The following SIPA1L1 variants were observed in gnomAD, a reference collection of about 807,000 sequenced individuals.
SIPA1L1 encodes signal-induced proliferation-associated 1-like protein 1.
SIPA1L1 carries 26 observed loss-of-function variants against 162.7 expected under a neutral mutation model. The ratio of observed to expected loss-of-function variants is 0.16; its 90% confidence interval spans 0.12 to 0.22. The LOEUF (loss-of-function observed/expected upper bound fraction) is 0.22. Among genes scored for constraint, SIPA1L1 ranks in the 10% least tolerant of loss-of-function variants. SIPA1L1 has a pLI of 1.00. For synonymous variants in SIPA1L1, 829 were observed against 837.4 expected, an observed-to-expected ratio of 0.99 and a Z score of 0.17; for missense variants, 1,874 against 2,241.0, an observed-to-expected ratio of 0.84 and a Z score of 3.31.
chr14:71,476,201 G>A (rs1192995918), intron 2 of SIPA1L1, among the ~76,000 whole-genome samples: 1 of 152,204 alleles, frequency 6.6e-6, no homozygotes, highest in Non-Finnish European at 1.5e-5. Flanking sequence ...AAATGAAGGA[G>A]GTATGTATAA....
intron 4 of SIPA1L1, among the ~76,000 whole-genome samples, chr14:71,542,291 C>T (rs1413429321): frequency 6.7e-6 from 1 of 149,458 alleles, no homozygotes; most frequent in Admixed American, 6.7e-5. Flanking sequence ...TCTCCTCTTC[C>T]TCTTCTCCTC....
At chr14:71,671,041 T>C (rs1359343789) in intron 10 of SIPA1L1, 78 bp from the exon 11 acceptor site, 1 of 1,204,584 alleles carries the variant, frequency 8.3e-7, no homozygotes, top group African/African-American at 1.5e-5. Flanking sequence ...CATCTTTGTC[T>C]TTGAGAAAGT....
chr14:71,720,191 C>G (rs969043763), intron 17 of SIPA1L1, among the ~76,000 whole-genome samples: 3 of 152,040 alleles, frequency 2.0e-5, no homozygotes, highest in Admixed American at 6.6e-5. Context: ...TATCTTTCTC[C>G]AGGTTTGGAA....
At chr14:71,346,743 A>G (rs894302078) in intron 2 of SIPA1L1, among the ~76,000 whole-genome samples, 12 of 152,202 alleles carry the variant, frequency 7.9e-5, no homozygotes, top group African/African-American at 1.2e-4. Flanking sequence ...AAAGTGTACA[A>G]TTTAGTGGCT....
At chr14:71,691,020 AGTAT>A (rs1257490353) in intron 13 of SIPA1L1, among the ~76,000 whole-genome samples, 1 of 152,210 alleles carries the variant, frequency 6.6e-6, no homozygotes, top group Non-Finnish European at 1.5e-5. Flanking sequence ...CATCTACCTG[AGTAT>A]CCAGAGCAGA....
intron 2 of SIPA1L1, among the ~76,000 whole-genome samples, chr14:71,507,814 T>G (rs543272663): frequency 6.6e-6 from 1 of 152,218 alleles, no homozygotes; most frequent in African/African-American, 2.4e-5. Flanking sequence ...ACTCTAGCCC[T>G]GTCAGCCTTC....
chr14:71,565,499 A>G (rs2030287244), intron 4 of SIPA1L1, among the ~76,000 whole-genome samples: 1 of 152,238 alleles, frequency 6.6e-6, no homozygotes, highest in Non-Finnish European at 1.5e-5. Flanking sequence ...AATAATTTTG[A>G]AAGTATAATA....
chr14:71,351,945 TAAACAACATAAGTTTGTA>T (rs951606014), intron 2 of SIPA1L1, among the ~76,000 whole-genome samples: 2 of 151,110 alleles, frequency 1.3e-5, no homozygotes, highest in Admixed American at 1.3e-4. Context: ...AGCCAGACAG[TAAACAACATAAGTTTGTA>T]AAATATATCT....
intron 13 of SIPA1L1, among the ~76,000 whole-genome samples, chr14:71,694,235 T>C (rs2081456994): frequency 6.6e-6 from 1 of 152,126 alleles, no homozygotes; most frequent in South Asian, 2.1e-4. Flanking sequence ...CGTGTGTGTG[T>C]GCGTGTGTGT....
chr14:71,649,431 A>C (rs2042440404), intron 7 of SIPA1L1, among the ~76,000 whole-genome samples: 1 of 152,092 alleles, frequency 6.6e-6, no homozygotes, highest in African/African-American at 2.4e-5. Context: ...GGTTCAAGTG[A>C]TCTGCCCCCC....
intron 2 of SIPA1L1, among the ~76,000 whole-genome samples, chr14:71,428,047 C>T (rs141604244): frequency 1.7e-4 from 25 of 151,346 alleles, no homozygotes; most frequent in African/African-American, 5.6e-4. Context: ...AGATGGAGTG[C>T]GGTGGTGTGA....
chr14:71,596,120 G>T (rs753942337), intron 5 of SIPA1L1, among the ~76,000 whole-genome samples: 1 of 152,162 alleles, frequency 6.6e-6, no homozygotes, highest in Non-Finnish European at 1.5e-5. Context: ...AGATAATTTC[G>T]CAGAGAAAGG....
chr14:71,696,095 A>C (rs1298922016), intron 13 of SIPA1L1, among the ~76,000 whole-genome samples: 1 of 152,200 alleles, frequency 6.6e-6, no homozygotes, highest in Non-Finnish European at 1.5e-5. Context: ...GAAATGAGCT[A>C]GTATCCCACT....
intron 2 of SIPA1L1, among the ~76,000 whole-genome samples, chr14:71,490,165 G>A (rs190713901): frequency 4.4e-4 from 67 of 152,222 alleles, no homozygotes; most frequent in African/African-American, 1.6e-3. Context: ...AACTAAAATT[G>A]AAACAAAGTG....
In SIPA1L1 at chr14:71,589,347, A is replaced by G. The variant is rs746745142; in HGVS notation, c.1475A>G (p.Tyr492Cys). The G allele has an allele frequency of 6.2e-7, 1 of 1,606,500 alleles. No individual in the cohort carries two copies. Among genetic ancestry groups the G allele is most frequent in the Non-Finnish European group, 8.5e-7 (1 of 1,174,276 alleles). Residue 492 changes from tyrosine (Y) to cysteine (C), a missense_variant, in exon 5 of 24, where the codon TAT becomes TGT. Tyr to Cys is a radical substitution (Grantham distance 194). Coordinates refer to ENST00000381232, the MANE Select transcript of SIPA1L1 (RefSeq NM_001386936.1). Reference protein sequence around the residue: ...VEHVDLGAYYYRKFFYQKEHW... With the variant: ...VEHVDLGAYYCRKFFYQKEHW... ...CACGTAGATCTGGGTGCATACTATT[A>G]TAGAAAATTTTTCTACCAGAAGGGT...
intron 7 of SIPA1L1, among the ~76,000 whole-genome samples, chr14:71,629,765 AAGAAGTTATCCTTCAGGTTATTAAAGTC>A (rs1476775496): frequency 6.6e-6 from 1 of 152,262 alleles, no homozygotes; most frequent in Admixed American, 6.5e-5. Context: ...TTCAAATTTT[AAGAAGTTATCCTTCAGGTTATTAAAGTC>A]AGAGTAAGGG....
intron 2 of SIPA1L1, among the ~76,000 whole-genome samples, chr14:71,435,430 G>T (rs2044302120): frequency 6.6e-6 from 1 of 152,178 alleles, no homozygotes; most frequent in East Asian, 1.9e-4. Context: ...GCGGTGTTTG[G>T]TTTTTTGTCC....
chr14:71,594,685 A>G (rs1184228823), intron 5 of SIPA1L1, among the ~76,000 whole-genome samples: 1 of 152,210 alleles, frequency 6.6e-6, no homozygotes, highest in Non-Finnish European at 1.5e-5. Flanking sequence ...AAGTTTTTAT[A>G]CATATATAAT....
At chr14:71,548,504 A>G (rs927093694) in intron 4 of SIPA1L1, among the ~76,000 whole-genome samples, 4 of 152,168 alleles carry the variant, frequency 2.6e-5, no homozygotes, top group Non-Finnish European at 4.4e-5. Context: ...GTAGTTATCA[A>G]CTTTGAATCA....
Sources: allele counts gnomAD v4.1 joint callset (sites outside exome capture counted in the v4.1 genomes callset), GRCh38; gene constraint gnomAD v4.1.1; transcripts MANE v1.5; gene names NCBI Gene and HGNC (gene_info 2026-07-23, HGNC 2026-07-21).